The following TENM2 variants were observed in gnomAD, a reference collection of about 807,000 sequenced individuals.
TENM2 encodes the protein teneurin-2.
TENM2 carries 52 observed loss-of-function variants against 245.2 expected under a neutral mutation model. That is an observed-to-expected ratio of 0.21 (90% CI 0.17 to 0.27). TENM2 has a LOEUF of 0.27. TENM2 is among the 10% of genes least tolerant of loss of function. The pLI, the probability that TENM2 is intolerant of heterozygous loss-of-function variation, is 1.00. For synonymous variants in TENM2, 1,363 were observed against 1,438.9 expected (o/e 0.95, Z 1.19); for missense variants, 3,046 against 3,666.8 (o/e 0.83, Z 4.37).
the TENM2 span, among the ~76,000 whole-genome samples, chr5:167,243,953 A>G: frequency 6.6e-6 from 1 of 152,162 alleles, no homozygotes; most frequent in South Asian, 2.1e-4. Flanking sequence ...TTTTCCAGAA[A>G]TCTTTGACAG....
At chr5:167,105,660 G>C in the TENM2 span, among the ~76,000 whole-genome samples, 1 of 151,374 alleles carries the variant, frequency 6.6e-6, no homozygotes, top group Non-Finnish European at 1.5e-5. Context: ...AGGCCGAGGC[G>C]GGCGGATCAC....
At chr5:167,610,189 G>T (rs1405515085) in intron 2 of TENM2, among the ~76,000 whole-genome samples, 2 of 152,062 alleles carry the variant, frequency 1.3e-5, no homozygotes, top group African/African-American at 4.8e-5. Flanking sequence ...CAAGGTATTG[G>T]CAAGGTATAG....
chr5:167,928,127 G>A (rs1478712562), intron 3 of TENM2, among the ~76,000 whole-genome samples: 1 of 152,014 alleles, frequency 6.6e-6, no homozygotes, highest in Admixed American at 6.5e-5. Context: ...TCTTCTCTGG[G>A]GTATGGGGGC....
chr5:167,972,795 G>A (rs986113234), intron 4 of TENM2, among the ~76,000 whole-genome samples: 1 of 151,980 alleles, frequency 6.6e-6, no homozygotes, highest in African/African-American at 2.4e-5. Flanking sequence ...TTTTTTTCAA[G>A]TAATAATGTA....
chr5:167,337,332 A>G (rs1006843310), intron 1 of TENM2, among the ~76,000 whole-genome samples: 3 of 152,100 alleles, frequency 2.0e-5, no homozygotes, highest in African/African-American at 7.2e-5. Flanking sequence ...CACCTTTATT[A>G]AGCAGTCAAC....
At chr5:167,696,475 CTT>C (rs1390552587) in intron 2 of TENM2, among the ~76,000 whole-genome samples, 1 of 152,182 alleles carries the variant, frequency 6.6e-6, no homozygotes, top group Non-Finnish European at 1.5e-5. Flanking sequence ...CTCTGCCACA[CTT>C]TTTATCTCAA....
chr5:167,329,601 C>T lies in TENM2; in HGVS notation c.226+44538C>T, dbSNP rs114054349. Among the ~76,000 whole-genome samples the T allele has an allele frequency of 3.1e-3, 441 of 140,208 alleles. 4 individuals carry two copies. Among genetic ancestry groups the T allele is most frequent in the African/African-American group, 0.011 (415 of 37,480 alleles). 92.0% of individuals were successfully genotyped at this position (140,208 alleles called of 152,430 possible). On this transcript the variant is annotated intron_variant, in intron 1 of 28. Coordinates refer to ENST00000518659, the Ensembl canonical transcript of TENM2. ...AAAAAGAGGTGGCATACTCCCCTTA[C>T]GTTTTTGTTAATAATTTTGGAAATG... is the stretch of plus-strand genomic sequence containing the variant.
intron 1 of TENM2, among the ~76,000 whole-genome samples, chr5:167,350,413 A>ATGTGTGTGTG (rs35747170): frequency 5.6e-4 from 79 of 141,924 alleles, no homozygotes; most frequent in African/African-American, 2.0e-3. Context: ...ATACATATAT[A>ATGTGTGTGTG]TGTGTGTGTG....
chr5:167,674,192 G>T (rs998863075), intron 2 of TENM2, among the ~76,000 whole-genome samples: 1 of 152,086 alleles, frequency 6.6e-6, no homozygotes, highest in Non-Finnish European at 1.5e-5. Flanking sequence ...GCTGAAACTG[G>T]CTGACCTTCT....
chr5:167,607,512 T>C (rs886718878), intron 2 of TENM2, among the ~76,000 whole-genome samples: 1 of 152,220 alleles, frequency 6.6e-6, no homozygotes, highest in African/African-American at 2.4e-5. Flanking sequence ...CCATTTGGCC[T>C]GCACACTGTC....
chr5:167,861,459 C>T (rs1771798009), intron 2 of TENM2, among the ~76,000 whole-genome samples: 1 of 152,210 alleles, frequency 6.6e-6, no homozygotes, highest in African/African-American at 2.4e-5. Flanking sequence ...CCACTCTCCC[C>T]AGAGCCTAAG....
At chr5:168,044,530 T>C (rs1788453918) in intron 5 of TENM2, among the ~76,000 whole-genome samples, 1 of 152,198 alleles carries the variant, frequency 6.6e-6, no homozygotes, top group Admixed American at 6.5e-5. Context: ...TTTATAAGCA[T>C]ATAACATCCT....
intron 12 of TENM2, among the ~76,000 whole-genome samples, chr5:168,157,710 T>A (rs1317289461): frequency 6.6e-6 from 1 of 152,128 alleles, no homozygotes; most frequent in Non-Finnish European, 1.5e-5. Context: ...GGATGTGCCA[T>A]GCACTGCTCA....
At chr5:168,032,236 A>G (rs1216379463) in intron 5 of TENM2, among the ~76,000 whole-genome samples, 2 of 152,330 alleles carry the variant, frequency 1.3e-5, no homozygotes, top group East Asian at 1.9e-4. Flanking sequence ...GGGGAATTTC[A>G]TGTCTAAATA....
At chr5:167,784,580 C>T (rs1216373664) in intron 2 of TENM2, among the ~76,000 whole-genome samples, 1 of 152,188 alleles carries the variant, frequency 6.6e-6, no homozygotes, top group African/African-American at 2.4e-5. Context: ...GTTTACATTC[C>T]TAGTAGTCTC....
At chr5:168,228,977 C>T (rs10059616) in intron 25 of TENM2, among the ~76,000 whole-genome samples, 6,578 of 144,856 alleles carry the variant, frequency 0.045, 476 homozygotes, top group African/African-American at 0.16. Flanking sequence ...TATACATATA[C>T]GTATACATAA....
intron 2 of TENM2, among the ~76,000 whole-genome samples, chr5:167,393,072 A>G (rs1303638955): frequency 5.3e-5 from 8 of 151,724 alleles, no homozygotes; most frequent in African/African-American, 1.9e-4. Flanking sequence ...CAGTGAGCCA[A>G]GATCATGCTA....
intron 2 of TENM2, among the ~76,000 whole-genome samples, chr5:167,535,218 C>T (rs1416891095): frequency 6.6e-6 from 1 of 151,836 alleles, no homozygotes; most frequent in Non-Finnish European, 1.5e-5. Flanking sequence ...GACACTCTAG[C>T]CACACTGTAA....
intron 2 of TENM2, among the ~76,000 whole-genome samples, chr5:167,834,708 G>A (rs1314915553): frequency 6.7e-6 from 1 of 149,384 alleles, no homozygotes; most frequent in Non-Finnish European, 1.5e-5. Context: ...GGAATGCAGT[G>A]GCGCGATCTC....
Sources: allele counts gnomAD v4.1 joint callset (sites outside exome capture counted in the v4.1 genomes callset), GRCh38; gene constraint gnomAD v4.1.1; transcripts MANE v1.5; gene names NCBI Gene and HGNC (gene_info 2026-07-23, HGNC 2026-07-21).